WFDC3: variants seen among roughly 807,000 people sequenced by gnomAD.
WFDC3 encodes WAP four-disulfide core domain 3.
Under a neutral mutation model 25.8 loss-of-function variants are expected in WFDC3, and 15 were observed. That is an observed-to-expected ratio of 0.58 (90% CI 0.39 to 0.89). The LOEUF (loss-of-function observed/expected upper bound fraction) is 0.89. WFDC3 is among the 40% of genes least tolerant of loss of function. The probability of loss-of-function intolerance (pLI) is 0.00; values close to 1 mark genes in which losing one functional copy is unlikely to be tolerated. For synonymous variants in WFDC3, 103 were observed against 107.1 expected, an observed-to-expected ratio of 0.96 and a Z score of 0.24; for missense variants, 264 against 289.8, an observed-to-expected ratio of 0.91 and a Z score of 0.65.
intron 4 of WFDC3, among the ~76,000 whole-genome samples, chr20:45,779,525 G>T (rs1980344523): frequency 6.6e-6 from 1 of 151,984 alleles, no homozygotes; most frequent in South Asian, 2.1e-4. Flanking sequence ...CCTGATTTTT[G>T]ACTCAGAAAA....
At chr20:45,777,815 C>T (rs760227363) in intron 4 of WFDC3, among the ~76,000 whole-genome samples, 4 of 144,576 alleles carry the variant, frequency 2.8e-5, no homozygotes, top group Non-Finnish European at 6.1e-5. Context: ...GCCCCCCCAC[C>T]CAGCCCACCC....
rs1219069375 is a variant in WFDC3, at chr20:45,787,823, C to T, written c.358+13G>A. The stretch of plus-strand genomic sequence containing the variant: ...CCAAACAGACCATGAGGTGTGGGGA[C>T]AGCGTTTCTTACCCAGCTTCTGTTT... On this transcript the variant is annotated intron_variant, in intron 4 of 6. Transcript: ENST00000243938. 6.2e-7 allele frequency: 1 copy of T among 1,608,736 alleles called. No individual in the cohort carries two copies. The highest frequency in any genetic ancestry group is 2.2e-5 in the East Asian group (1 of 44,750).
At position 45,787,858 on chromosome 20, in the gene WFDC3, G is replaced by T. The variant is rs150404701; in HGVS notation, c.336C>A (p.Val112=). ...CTLGCNKSCV[V]PISKQKLAEF... ...TACCCAGCTTCTGTTTAGAGATTGGGACTACACAGCTCTTGTTGCAGCCAA... is the reference window on the plus strand; with the variant it reads ...TACCCAGCTTCTGTTTAGAGATTGGTACTACACAGCTCTTGTTGCAGCCAA... Residue 112 remains valine, a synonymous_variant, in exon 4 of 7, where the codon GTC becomes GTA. Coordinates refer to ENST00000243938, the MANE Select transcript of WFDC3 (RefSeq NM_080614.2). 1.9e-6 allele frequency: 3 copies of T among 1,613,794 alleles called. No individual in the cohort carries two copies. The highest frequency in any genetic ancestry group is 2.5e-6 in the Non-Finnish European group (3 of 1,179,868).
chr20:45,789,309 A>G (rs1259057040), intron 2 of WFDC3, among the ~76,000 whole-genome samples: 1 of 152,046 alleles, frequency 6.6e-6, no homozygotes, highest in East Asian at 1.9e-4. Flanking sequence ...GATCGAGATC[A>G]TCCTGGCTAA....
Position 45,783,137 on chromosome 20 carries a change from C to T in WFDC3, c.358+4699G>A, listed in dbSNP as rs7265739. ...TTCCTCACCACTGCAGACCCACATG[C>T]CAGGTAGGGTAGCCACACTCAATAT... On this transcript the variant is annotated intron_variant, in intron 4 of 6. Coordinates refer to ENST00000243938, the MANE Select transcript of WFDC3 (RefSeq NM_080614.2). 3.1e-3 allele frequency among the ~76,000 whole-genome samples: 469 copies of T among 152,228 alleles called. 4 individuals carry two copies. Among genetic ancestry groups the T allele is most frequent in the African/African-American group, 0.011 (454 of 41,520 alleles).
intron 4 of WFDC3, among the ~76,000 whole-genome samples, chr20:45,784,553 C>A (rs955086294): frequency 1.3e-5 from 2 of 152,176 alleles, no homozygotes; most frequent in African/African-American, 4.8e-5. Context: ...ACCAGCCTGA[C>A]CAACATGCTG....
At chr20:45,788,793 T>C in intron 3 of WFDC3, 138 bp downstream of exon 3, 8 of 1,243,630 alleles carry the variant, frequency 6.4e-6, no homozygotes, top group Non-Finnish European at 8.7e-6. Flanking sequence ...GGAGGGACCC[T>C]AAAAGAGTAA....
intron 3 of WFDC3, chr20:45,788,726 T>C (rs1164814450): frequency 3.5e-6 from 2 of 574,728 alleles, no homozygotes; most frequent in African/African-American, 1.9e-5. Flanking sequence ...AGATAATCAA[T>C]GGTGCGCTCT....
chr20:45,782,179 G>A (rs956947393), intron 4 of WFDC3, among the ~76,000 whole-genome samples: 5 of 152,094 alleles, frequency 3.3e-5, no homozygotes, highest in African/African-American at 1.2e-4. Context: ...GGTTGTCCCT[G>A]TCTCAGTAAA....
chr20:45,787,022 A>T (rs534072750), intron 4 of WFDC3, among the ~76,000 whole-genome samples: 86 of 139,590 alleles, frequency 6.2e-4, no homozygotes, highest in Middle Eastern at 3.6e-3. Context: ...TGAACCTGGG[A>T]GGCAGAGGTT....
At position 45,789,987 on chromosome 20, in the gene WFDC3, G is replaced by A. The variant is rs745422479; in HGVS notation, c.-7-5C>T. ...CAGCTTAACATCATGATGATGCTGA[G>A]AGTTGGGACAAGAGCTCAGTTCAGG... On this transcript the variant is annotated splice_region_variant and splice_polypyrimidine_tract_variant and intron_variant, in intron 1 of 6. Transcript: ENST00000243938. 1.2e-6 allele frequency: 2 copies of A among 1,613,510 alleles called. No individual in the cohort carries two copies. The highest frequency in any genetic ancestry group is 2.2e-5 in the South Asian group (2 of 91,050).
chr20:45,791,001 T>C, intron 1 of WFDC3: 1 of 463,866 alleles, frequency 2.2e-6, no homozygotes, highest in Non-Finnish European at 4.4e-6. Flanking sequence ...TTAGCTGTGA[T>C]ACCTAATGGT....
chr20:45,780,186 C>T lies in WFDC3; in HGVS notation c.359-2977G>A, dbSNP rs1255208736. 2.6e-5 allele frequency among the ~76,000 whole-genome samples: 4 copies of T among 151,560 alleles called. No homozygotes were observed. The South Asian group carries it at 6.2e-4, about 24-fold the overall frequency. On this transcript the variant is annotated intron_variant, in intron 4 of 6. Transcript: ENST00000243938. ...TGAACTCCTGGGCTCAAGCAATCCT[C>T]CAACCTCAGCCTCCTGAGTAGCTGA...
chr20:45,777,262 T>C, intron 4 of WFDC3, 53 bp from the exon 5 acceptor site: 1 of 1,411,974 alleles, frequency 7.1e-7, no homozygotes. Context: ...GAAACACATT[T>C]TTCATTGTGT....
At position 45,791,860 on chromosome 20, in the gene WFDC3, G is replaced by T; in HGVS notation, c.-36C>A. The T allele has an allele frequency of 2.0e-6, 1 of 499,400 alleles. No homozygotes were observed. The highest frequency in any genetic ancestry group is 3.1e-6 in the Non-Finnish European group (1 of 319,170). 30.9% of individuals were successfully genotyped at this position (499,400 alleles called of 1,614,324 possible). On this transcript the variant is annotated 5_prime_UTR_variant, in exon 1 of 7. Transcript: ENST00000243938. ...GCCTCTAAGTGTAACTGTCCTGGGC[G>T]AGGCGCGGCGGTTCGGTTCCCATGG...
intron 1 of WFDC3, among the ~76,000 whole-genome samples, chr20:45,791,109 A>G: frequency 6.7e-6 from 1 of 150,070 alleles, no homozygotes; most frequent in Non-Finnish European, 1.5e-5. Context: ...TTATGGTTAG[A>G]AGGCTGATGT....
At chr20:45,783,256 T>G (rs1228281479) in intron 4 of WFDC3, among the ~76,000 whole-genome samples, 1 of 151,964 alleles carries the variant, frequency 6.6e-6, no homozygotes, top group East Asian at 1.9e-4. Context: ...AACACAGAGG[T>G]ACTTGGCATG....
At chr20:45,777,312 A>G in intron 4 of WFDC3, 103 bp from the exon 5 acceptor site, 1 of 1,134,652 alleles carries the variant, frequency 8.8e-7, no homozygotes, top group Non-Finnish European at 1.1e-6. Flanking sequence ...ATTTATATAC[A>G]TATATAATGT....
intron 4 of WFDC3, chr20:45,778,864 A>G (rs1980313481): frequency 6.6e-6 from 1 of 151,424 alleles, no homozygotes; most frequent in African/African-American, 2.4e-5. Flanking sequence ...AAAAAAAAAA[A>G]AGAATTGCAA....
Sources: gnomAD v4.1 joint callset for allele counts (sites outside exome capture counted in the v4.1 genomes callset) on GRCh38, gnomAD v4.1.1 for gene constraint, MANE v1.5 for transcripts, NCBI Gene and HGNC (gene_info 2026-07-23, HGNC 2026-07-21) for gene names.